Variants in IGF2R observed in about 807,000 individuals in gnomAD.
IGF2R encodes the protein insulin like growth factor 2 receptor.
In IGF2R, 91 loss-of-function variants were observed where a neutral mutation model predicts 270.6. That is an observed-to-expected ratio of 0.34 (90% CI 0.28 to 0.40). The LOEUF is 0.40. Among genes scored for constraint, IGF2R ranks in the 10% least tolerant of loss-of-function variants. The pLI is 1.00. For synonymous variants in IGF2R, 1,316 were observed against 1,258.9 expected (o/e 1.05, Z -0.96); for missense variants, 2,805 against 3,188.3 (o/e 0.88, Z 2.90).
At chr6:159,984,687 CGAT>C (rs1019268187) in intron 1 of IGF2R, among the ~76,000 whole-genome samples, 5 of 152,204 alleles carry the variant, frequency 3.3e-5, no homozygotes, top group Admixed American at 6.5e-5. Flanking sequence ...CAGATACACT[CGAT>C]GATGTTTGAG....
At position 160,069,891 on chromosome 6, in the gene IGF2R, G is replaced by A. The variant is rs1271906368; in HGVS notation, c.4276G>A (p.Ala1426Thr). The A allele has an allele frequency of 1.2e-5, 19 of 1,613,966 alleles. No homozygotes were observed. The highest frequency in any genetic ancestry group is 1.7e-4 in the Middle Eastern group (1 of 6,052). ...AGAGCCGTGCCCTCCAGAAGCAGCC[G>A]CGTGTCTGCTGGGTGGCTCCAAGCC... is the stretch of plus-strand genomic sequence containing the variant. ...GTEPCPPEAA[A>T]CLLGGSKPVN... Residue 1426 changes from alanine to threonine, a missense_variant, in exon 31 of 48, where the codon GCG (alanine) becomes ACG (threonine). Ala to Thr is a moderately conservative substitution (Grantham distance 58). Around this residue, in one of 2 missense-constraint regions of IGF2R, gnomAD observed 1,851 missense variants for 2,207.2 expected, o/e 0.84. Transcript: ENST00000356956.
chr6:160,027,104 T>TA, intron 5 of IGF2R, 81 bp from the exon 6 acceptor site: 4 of 1,493,770 alleles, frequency 2.7e-6, no homozygotes, highest in Non-Finnish European at 3.7e-6. Context: ...ATAATGTATT[T>TA]AAAGGGACCC....
At chr6:160,093,771 A>G in intron 44 of IGF2R, 2 of 747,656 alleles carry the variant, frequency 2.7e-6, no homozygotes, top group South Asian at 2.7e-5. Context: ...TTTCGACTAT[A>G]TGATTTGGAT....
chr6:159,983,578 G>A (rs1371716680), intron 1 of IGF2R, among the ~76,000 whole-genome samples: 7 of 152,128 alleles, frequency 4.6e-5, no homozygotes, highest in Non-Finnish European at 8.8e-5. Context: ...AAAAAATAGG[G>A]TATGTTTCTG....
At chr6:160,100,034 C>T (rs1472447991) in intron 45 of IGF2R, among the ~76,000 whole-genome samples, 3 of 151,838 alleles carry the variant, frequency 2.0e-5, no homozygotes, top group East Asian at 1.9e-4. Flanking sequence ...TCCAAAACAG[C>T]GGAGAAGAAA....
At chr6:160,052,753 G>A (rs1288072352) in intron 19 of IGF2R, among the ~76,000 whole-genome samples, 7 of 152,112 alleles carry the variant, frequency 4.6e-5, no homozygotes, top group Non-Finnish European at 8.8e-5. Flanking sequence ...CAATGGAACC[G>A]AACAGAGTCC....
At chr6:160,074,018 C>CT (rs1302312017) in intron 35 of IGF2R, 43 bp downstream of exon 35, 4 of 1,407,856 alleles carry the variant, frequency 2.8e-6, no homozygotes, top group Non-Finnish European at 3.0e-6. Context: ...TTTTGCAAGA[C>CT]TTTTAGTGAT....
intron 38 of IGF2R, 43 bp from the exon 39 acceptor site, chr6:160,080,086 C>A: frequency 3.7e-6 from 6 of 1,603,504 alleles, no homozygotes; most frequent in Non-Finnish European, 5.1e-6. Flanking sequence ...TTGTGCCTGG[C>A]GAGGCACAGC....
rs8191715 is a variant in IGF2R at position 160,004,937 on chromosome 6, C to T, written c.290-4073C>T. ...TGGCGGCTGGGTCGGGTTTTATAAG[C>T]ATAAGCTTATTACCATAAGGTAATG... On this transcript the variant is annotated intron_variant, in intron 2 of 47. Coordinates refer to ENST00000356956, the MANE Select transcript of IGF2R (RefSeq NM_000876.4). The surrounding 1 kb of genome is among the most constrained non-coding windows in gnomAD (Gnocchi z 5.2). 0.019 allele frequency: 2,874 copies of T among 152,268 alleles called. 82 individuals are homozygous for T. Among genetic ancestry groups the T allele is most frequent in the East Asian group, 0.12 (621 of 5,154 alleles). 9.4% of individuals were successfully genotyped at this position (152,268 alleles called of 1,614,324 possible).
chr6:160,089,490 C>G (rs919768772), intron 43 of IGF2R, among the ~76,000 whole-genome samples: 1 of 152,246 alleles, frequency 6.6e-6, no homozygotes, highest in African/African-American at 2.4e-5. Flanking sequence ...GTCCTTCTCC[C>G]TCTCTTCATG....
chr6:160,000,507 A>G (rs1784111036), intron 2 of IGF2R, among the ~76,000 whole-genome samples: 1 of 152,092 alleles, frequency 6.6e-6, no homozygotes, highest in Non-Finnish European at 1.5e-5. Context: ...TCATCATGAG[A>G]TTTGGGTGGC....
Position 160,065,836 on chromosome 6 carries a change from A to G in IGF2R, c.4115+935A>G, listed in dbSNP as rs9457819. Among the ~76,000 whole-genome samples the G allele has an allele frequency of 5.1e-3, 602 of 117,028 alleles. 16 individuals carry two copies. Among genetic ancestry groups the G allele is most frequent in the African/African-American group, 0.02 (553 of 27,440 alleles). 76.8% of individuals were successfully genotyped at this position (117,028 alleles called of 152,430 possible). Reference sequence around the variant, plus strand: ...TGTGTATATATATATATATATATATATATATATATGTATTTTTTTTGAGAT... The same window carrying G: ...TGTGTATATATATATATATATATATGTATATATATGTATTTTTTTTGAGAT... On this transcript the variant is annotated intron_variant, in intron 29 of 47. Coordinates refer to ENST00000356956, the MANE Select transcript of IGF2R (RefSeq NM_000876.4).
At chr6:159,981,551 C>A (rs1783804340) in intron 1 of IGF2R, among the ~76,000 whole-genome samples, 1 of 152,192 alleles carries the variant, frequency 6.6e-6, no homozygotes, top group African/African-American at 2.4e-5. Flanking sequence ...TCTCTGGATT[C>A]AAATGAAAGC....
At chr6:160,094,225 C>T in intron 44 of IGF2R, 1 of 332,340 alleles carries the variant, frequency 3.0e-6, no homozygotes, top group South Asian at 2.5e-5. Flanking sequence ...TATCCATTCG[C>T]CAGTTCTTCA....
At chr6:160,030,313 C>A (rs936429558) in intron 7 of IGF2R, among the ~76,000 whole-genome samples, 5 of 152,170 alleles carry the variant, frequency 3.3e-5, no homozygotes, top group African/African-American at 1.2e-4. Flanking sequence ...CCTTTAGTTT[C>A]TTTCTGCCTT....
intron 5 of IGF2R, among the ~76,000 whole-genome samples, chr6:160,025,026 C>A (rs1777529338): frequency 6.6e-6 from 1 of 152,088 alleles, no homozygotes; most frequent in South Asian, 2.1e-4. Context: ...GTGCCTGAAT[C>A]CCTTGGCTCT....
In IGF2R at chr6:160,032,494, T is replaced by C. The variant is rs941659942; in HGVS notation, c.883-57T>C. On this transcript the variant is annotated intron_variant, in intron 7 of 47. Coordinates refer to ENST00000356956, the MANE Select transcript of IGF2R (RefSeq NM_000876.4). Reference sequence around the variant, plus strand: ...GAGCTTTTCATAAGTGTGGAAAATCTGCATTAAGCTGCATGAAACATTTTT... The same window carrying C: ...GAGCTTTTCATAAGTGTGGAAAATCCGCATTAAGCTGCATGAAACATTTTT... The C allele has an allele frequency of 2.9e-5, 43 of 1,485,744 alleles. No homozygotes were observed. The Admixed American group carries it at 5.5e-4, about 19-fold the overall frequency. The allele number at this position is 1,485,744 out of a possible 1,614,324, so 92.0% of individuals were successfully genotyped here.
At chr6:160,051,742 T>C (rs1778201324) in intron 19 of IGF2R, among the ~76,000 whole-genome samples, 1 of 152,086 alleles carries the variant, frequency 6.6e-6, no homozygotes, top group African/African-American at 2.4e-5. Flanking sequence ...ATCACTCACT[T>C]GAGGACAGGA....
intron 1 of IGF2R, among the ~76,000 whole-genome samples, chr6:159,979,461 C>T (rs1304645035): frequency 6.6e-6 from 1 of 152,204 alleles, no homozygotes; most frequent in Admixed American, 6.5e-5. Context: ...ACCAGCACTT[C>T]TCTCTTCTCT....
Sources: allele counts gnomAD v4.1 joint callset (sites outside exome capture counted in the v4.1 genomes callset), GRCh38; gene constraint gnomAD v4.1.1; regional missense constraint gnomAD v4.1.1; non-coding constraint Gnocchi (gnomAD v3.1); transcripts MANE v1.5; gene names NCBI Gene and HGNC (gene_info 2026-07-23, HGNC 2026-07-21).